UTRN: variants seen among roughly 807,000 people sequenced by gnomAD.
UTRN encodes the protein dystrophin-related protein 1.
In UTRN, 283 loss-of-function variants were observed where a neutral mutation model predicts 463.9. The observed-to-expected ratio is 0.61, with a 90% CI of 0.55 to 0.67. The LOEUF (loss-of-function observed/expected upper bound fraction) is 0.67, where lower values mean the gene tolerates loss of function less well. Ranked by LOEUF, UTRN falls within the 30% of genes least tolerant of loss-of-function variation. The pLI, the probability that UTRN is intolerant of heterozygous loss-of-function variation, is 0.00. For missense variants in UTRN, 3,922 were observed against 4,084.3 expected, an observed-to-expected ratio of 0.96 and a Z score of 1.08; for synonymous variants, 1,442 against 1,431.5, an observed-to-expected ratio of 1.01 and a Z score of -0.17.
intron 2 of UTRN, among the ~76,000 whole-genome samples, chr6:144,391,621 G>A (rs1781934815): frequency 6.6e-6 from 1 of 152,084 alleles, no homozygotes. Flanking sequence ...TGCATGTAAA[G>A]TTGGTAAGCT....
chr6:144,560,317 G>A (rs1045444408), intron 50 of UTRN, among the ~76,000 whole-genome samples: 4 of 152,224 alleles, frequency 2.6e-5, no homozygotes, highest in Admixed American at 6.5e-5. Flanking sequence ...CATTCTTGGT[G>A]ACTGCTTTGT....
chr6:144,427,166 C>A (rs1785370370), intron 7 of UTRN, among the ~76,000 whole-genome samples: 1 of 152,032 alleles, frequency 6.6e-6, no homozygotes, highest in Admixed American at 6.6e-5. Flanking sequence ...GCTGACATTG[C>A]AGATTAATAG....
At chr6:144,589,181 C>A (rs1802762533) in intron 51 of UTRN, among the ~76,000 whole-genome samples, 1 of 152,108 alleles carries the variant, frequency 6.6e-6, no homozygotes, top group Non-Finnish European at 1.5e-5. Flanking sequence ...GCACAATAGA[C>A]AACTATTTTG....
chr6:144,475,869 A>G lies in UTRN; in HGVS notation c.3336+1110A>G, dbSNP rs140165421. Among the ~76,000 whole-genome samples the G allele has an allele frequency of 5.9e-5, 9 of 151,948 alleles. No individual in the cohort carries two copies. In the East Asian group the frequency reaches 1.8e-3, roughly 30 times the overall value. On this transcript the variant is annotated intron_variant, in intron 25 of 74. Transcript: ENST00000367545. ...GGTGGGTGGATTGCCTGAGCTCAGG[A>G]GTTTGAGACCAGCCTGGGCAACATG...
Position 144,462,774 on chromosome 6 carries a change from G to T in UTRN, c.2974G>T (p.Asp992Tyr). The T allele has an allele frequency of 6.2e-7, 1 of 1,611,606 alleles. No homozygotes were observed. Among genetic ancestry groups the T allele is most frequent in the East Asian group, 2.2e-5 (1 of 44,832 alleles). ...AAAATTATATAAGCAAGAATTTGAT[G>T]ATGTGCAAGGAAAGTGGAACAAGCT... ...VEKLYKQEFD[D>Y]VQGKWNKLKV... Residue 992 changes from aspartate to tyrosine, a missense_variant, in exon 23 of 75, where the codon GAT becomes TAT. This residue lies in a region of UTRN where 2,349 missense variants were observed against 2,303.8 expected (regional missense o/e 1.02). Transcript: ENST00000367545.
At chr6:144,330,035 CA>C (rs1457403447) in intron 2 of UTRN, among the ~76,000 whole-genome samples, 7 of 152,188 alleles carry the variant, frequency 4.6e-5, no homozygotes, top group Non-Finnish European at 8.8e-5. Flanking sequence ...AGAGGGTAGA[CA>C]TTCTGCAGTG....
intron 16 of UTRN, among the ~76,000 whole-genome samples, chr6:144,448,361 T>C (rs1279061388): frequency 6.6e-6 from 1 of 152,104 alleles, no homozygotes; most frequent in Non-Finnish European, 1.5e-5. Flanking sequence ...AGATAGAAAG[T>C]AAATGCATGG....
At chr6:144,824,601 TATATA>T (rs1779960165) in intron 66 of UTRN, among the ~76,000 whole-genome samples, 4 of 59,248 alleles carry the variant, frequency 6.8e-5, no homozygotes, top group African/African-American at 4.0e-4. Context: ...TATATATATA[TATATA>T]TATATATCTT....
At chr6:144,777,150 A>G (rs1205027841) in intron 60 of UTRN, among the ~76,000 whole-genome samples, 1 of 152,180 alleles carries the variant, frequency 6.6e-6, no homozygotes, top group African/African-American at 2.4e-5. Context: ...CTTAGGACAC[A>G]CTGAGTGAAT....
chr6:144,539,341 G>A lies in UTRN; in HGVS notation c.6417G>A (p.Leu2139=). The change falls in exon 45 of 75, where the codon CTG becomes CTA. Residue 2139 remains leucine, a synonymous_variant. Coordinates refer to ENST00000367545, the MANE Select transcript of UTRN (RefSeq NM_007124.3). ...MEVHAEKLKW[L]NRTELEMLSD... is the part of the protein sequence containing the mutation. The stretch of plus-strand genomic sequence containing the variant: ...TACATGCTGAAAAACTCAAATGGCT[G>A]AATAGAACTGAATTGGAGATGCTTT... The A allele has an allele frequency of 1.2e-6, 2 of 1,612,984 alleles. No individual in the cohort carries two copies. The highest frequency in any genetic ancestry group is 1.7e-6 in the Non-Finnish European group (2 of 1,179,610).
At chr6:144,662,722 C>T (rs1486502526) in intron 51 of UTRN, among the ~76,000 whole-genome samples, 1 of 152,186 alleles carries the variant, frequency 6.6e-6, no homozygotes, top group Non-Finnish European at 1.5e-5. Context: ...AGCTGAGCAG[C>T]AGGCCTTCCA....
intron 51 of UTRN, among the ~76,000 whole-genome samples, chr6:144,615,538 C>A (rs1445211678): frequency 1.3e-5 from 2 of 152,110 alleles, no homozygotes; most frequent in African/African-American, 2.4e-5. Flanking sequence ...TTTCTGAATC[C>A]TTTAGCTCAA....
chr6:144,722,562 C>T (rs1787318058), intron 53 of UTRN, among the ~76,000 whole-genome samples: 1 of 152,162 alleles, frequency 6.6e-6, no homozygotes, highest in South Asian at 2.1e-4. Flanking sequence ...TCATGACATG[C>T]TTCAAACAAT....
At position 144,314,381 on chromosome 6, in the gene UTRN, C is replaced by A. The variant is rs1381950676; in HGVS notation, c.79+22474C>A. Among the ~76,000 whole-genome samples the A allele has an allele frequency of 3.3e-5, 5 of 152,320 alleles. No individual in the cohort carries two copies. The South Asian group carries it at 1.0e-3, about 32-fold the overall frequency. Reference sequence around the variant, plus strand: ...AGAGCTGGCCAGCCCAGACCCAGGACCTGGATGCTGACCTCTTCAGGGCGG... The same window carrying A: ...AGAGCTGGCCAGCCCAGACCCAGGAACTGGATGCTGACCTCTTCAGGGCGG... On this transcript the variant is annotated intron_variant, in intron 2 of 74. Coordinates refer to ENST00000367545, the MANE Select transcript of UTRN (RefSeq NM_007124.3).
chr6:144,308,118 C>T (rs1276965625), intron 2 of UTRN, among the ~76,000 whole-genome samples: 2 of 152,136 alleles, frequency 1.3e-5, no homozygotes, highest in Non-Finnish European at 2.9e-5. Context: ...CTCCCTCCAC[C>T]GCTCACTCTC....
intron 55 of UTRN, among the ~76,000 whole-genome samples, chr6:144,749,759 G>T (rs1791182099): frequency 6.6e-6 from 1 of 152,090 alleles, no homozygotes; most frequent in Non-Finnish European, 1.5e-5. Context: ...GTTTTAACCT[G>T]TGGCTTATAT....
chr6:144,695,006 T>C (rs1427858601), intron 52 of UTRN, among the ~76,000 whole-genome samples: 1 of 151,874 alleles, frequency 6.6e-6, no homozygotes, highest in African/African-American at 2.4e-5. Flanking sequence ...GGCTATCTGA[T>C]TGATACTCTT....
intron 46 of UTRN, among the ~76,000 whole-genome samples, chr6:144,543,792 A>T (rs9497001): frequency 6.6e-6 from 1 of 151,916 alleles, no homozygotes; most frequent in East Asian, 1.9e-4. Context: ...GTTTTGAAAA[A>T]AGTGATGACA....
intron 2 of UTRN, chr6:144,398,103 C>T: frequency 8.0e-6 from 2 of 250,938 alleles, no homozygotes; most frequent in Non-Finnish European, 8.4e-6. Flanking sequence ...GGAAAGATGA[C>T]TGGGAAGTAG....
Sources: allele counts gnomAD v4.1 joint callset (sites outside exome capture counted in the v4.1 genomes callset), GRCh38; gene constraint gnomAD v4.1.1; regional missense constraint gnomAD v4.1.1; transcripts MANE v1.5; gene names NCBI Gene and HGNC (gene_info 2026-07-23, HGNC 2026-07-21).